CIT: variants seen among roughly 807,000 people sequenced by gnomAD.
CIT encodes citron Rho-interacting kinase.
CIT carries 79 observed loss-of-function variants against 272.7 expected under a neutral mutation model. The observed-to-expected ratio is 0.29, with a 90% CI of 0.24 to 0.35. CIT has a LOEUF of 0.35. CIT is among the 10% of genes least tolerant of loss of function. The pLI is 1.00. For synonymous variants in CIT, 948 were observed against 995.6 expected (o/e 0.95, Z 0.90); for missense variants, 1,909 against 2,618.3 (o/e 0.73, Z 5.91).
Position 119,804,612 on chromosome 12 carries a change from G to T in CIT, c.1112-1223C>A. The stretch of plus-strand genomic sequence containing the variant: ...CCTCGTTTTCTGGACAAAGCTGGGT[G>T]CCAGATATGAGCAGCAAGCAGTCTG... On this transcript the variant is annotated intron_variant, in intron 9 of 47. Transcript: ENST00000392521. The surrounding 1 kb of genome is among the most constrained non-coding windows in gnomAD (Gnocchi z 5.3). The T allele has an allele frequency of 2.2e-6, 1 of 450,086 alleles. No homozygotes were observed. Among genetic ancestry groups the T allele is most frequent in the Non-Finnish European group, 2.9e-6 (1 of 340,544 alleles). The allele number at this position is 450,086 out of a possible 1,614,324, so 27.9% of individuals were successfully genotyped here. A position where few individuals can be genotyped will look rare whatever the true frequency, so the allele number is the denominator to read the frequency against.
At chr12:119,825,929 G>A (rs7296100) in intron 7 of CIT, among the ~76,000 whole-genome samples, 8,160 of 152,184 alleles carry the variant, frequency 0.054, 679 homozygotes, top group African/African-American at 0.19. Flanking sequence ...TTAGTCAGGT[G>A]TGGTGGTGCA....
Position 119,712,782 on chromosome 12 carries a change from G to A in CIT, c.4580-87C>T. ...AAGAGAGAGCGAGAGAGACAGCAAGGGAGAGAGAGACAGGGTACGTGTGTA... is the reference window on the plus strand; with the variant it reads ...AAGAGAGAGCGAGAGAGACAGCAAGAGAGAGAGAGACAGGGTACGTGTGTA... On this transcript the variant is annotated intron_variant, in intron 35 of 47. Coordinates refer to ENST00000392521, the MANE Select transcript of CIT (RefSeq NM_001206999.2). The surrounding 1 kb of genome is among the most constrained non-coding windows in gnomAD (Gnocchi z 5.2). The A allele has an allele frequency of 9.2e-7, 1 of 1,091,790 alleles. No individual in the cohort carries two copies. The allele number at this position is 1,091,790 out of a possible 1,614,324, so 67.6% of individuals were successfully genotyped here. A position where few individuals can be genotyped will look rare whatever the true frequency, so the allele number is the denominator to read the frequency against.
chr12:119,870,992 G>A (rs1204070459), intron 2 of CIT, among the ~76,000 whole-genome samples: 1 of 151,874 alleles, frequency 6.6e-6, no homozygotes. Context: ...GGAGGCACGT[G>A]CCTGTAATCC....
chr12:119,832,294 T>C (rs1968694435), intron 7 of CIT, among the ~76,000 whole-genome samples: 1 of 152,208 alleles, frequency 6.6e-6, no homozygotes, highest in Admixed American at 6.5e-5. Context: ...GTTTAATTTC[T>C]ACCAAAGATC....
At chr12:119,845,639 C>A (rs1247952121) in intron 5 of CIT, among the ~76,000 whole-genome samples, 2 of 134,304 alleles carry the variant, frequency 1.5e-5, no homozygotes, top group Non-Finnish European at 3.1e-5. Flanking sequence ...GGCAACAGAG[C>A]AAGACTCTGT....
chr12:119,713,777 T>C lies in CIT; in HGVS notation c.4307-129A>G. On this transcript the variant is annotated intron_variant, in intron 33 of 47. Transcript: ENST00000392521. The surrounding 1 kb of genome is among the most constrained non-coding windows in gnomAD (Gnocchi z 5.2). ...AGAGAGTCTGGCCCTGGCTTGCAGG[T>C]AGTCTCCTGAGCTTCCCCTGGTGCC... 1 of 972,144 alleles carries C rather than the reference T, an allele frequency of 1.0e-6. No homozygotes were observed. Among genetic ancestry groups the C allele is most frequent in the Admixed American group, 2.0e-5 (1 of 48,914 alleles). The allele number at this position is 972,144 out of a possible 1,614,324, so 60.2% of individuals were successfully genotyped here.
In CIT at chr12:119,709,135, A is replaced by G. The variant is rs536864509; in HGVS notation, c.5072-817T>C. ...GCAGCATAGCGGATACTTGTATTAT[A>G]GTAAGGGTAAATTTCCTAAATGCAG... is the stretch of plus-strand genomic sequence containing the variant. On this transcript the variant is annotated intron_variant, in intron 39 of 47. Coordinates refer to ENST00000392521, the MANE Select transcript of CIT (RefSeq NM_001206999.2). 3.3e-5 allele frequency among the ~76,000 whole-genome samples: 5 copies of G among 152,356 alleles called. No homozygotes were observed. In the South Asian group the frequency reaches 1.0e-3, roughly 32 times the overall value.
intron 28 of CIT, among the ~76,000 whole-genome samples, chr12:119,727,450 A>C (rs1211708227): frequency 6.6e-6 from 1 of 152,156 alleles, no homozygotes; most frequent in Non-Finnish European, 1.5e-5. Flanking sequence ...TGGATTCAGA[A>C]GGGGGAAGGC....
At chr12:119,746,944 T>C (rs964562329) in intron 23 of CIT, among the ~76,000 whole-genome samples, 1 of 152,144 alleles carries the variant, frequency 6.6e-6, no homozygotes, top group South Asian at 2.1e-4. Flanking sequence ...GCTCATGCAA[T>C]AGAATATATA....
chr12:119,690,386 G>A lies in CIT; in HGVS notation c.5951C>T (p.Ala1984Val), dbSNP rs1156247906. 3 of 1,596,668 alleles carry A rather than the reference G, an allele frequency of 1.9e-6. No individual in the cohort carries two copies. Among genetic ancestry groups the A allele is most frequent in the East Asian group, 2.2e-5 (1 of 44,588 alleles). Residue 1984 changes from alanine to valine, a missense_variant, in exon 47 of 48, where the codon GCG becomes GTG. By Grantham distance (64) the Ala-to-Val change is moderately conservative. Around this residue, in one of 8 missense-constraint regions of CIT, gnomAD observed 780 missense variants for 1,067.2 expected, o/e 0.73. Transcript: ENST00000392521. The surrounding 1 kb of genome is among the most constrained non-coding windows in gnomAD (Gnocchi z 6.0). ...CGGGTGGCTGGGGCCTTCGGGCGGC[G>A]CTGGGCTGGAGGCCACGCGCTTGGT... ...HITKRVASSP[A>V]PPEGPSHPRE... is the part of the protein sequence containing the mutation.
chr12:119,855,169 TC>T (rs1364314513), intron 4 of CIT, among the ~76,000 whole-genome samples: 1 of 152,032 alleles, frequency 6.6e-6, no homozygotes, highest in East Asian at 1.9e-4. Flanking sequence ...ACACCTGTAA[TC>T]CCAGCACTTT....
rs1053628624 is a variant in CIT at position 119,693,851 on chromosome 12, T to C, written c.5883-3397A>G. On this transcript the variant is annotated intron_variant, in intron 46 of 47. Coordinates refer to ENST00000392521, the MANE Select transcript of CIT (RefSeq NM_001206999.2). ...TCTTGGTATTTTGTAATATTAGTTG[T>C]GGTTCTTCCACCAAATTATGGGCTC... Among the ~76,000 whole-genome samples the C allele has an allele frequency of 5.3e-5, 8 of 152,246 alleles. 1 individual carries two copies. Among genetic ancestry groups the C allele is most frequent in the Non-Finnish European group, 7.3e-5 (5 of 68,040 alleles).
At chr12:119,775,610 GA>G (rs1168070842) in intron 16 of CIT, among the ~76,000 whole-genome samples, 175 bp downstream of exon 16, 2 of 152,192 alleles carry the variant, frequency 1.3e-5, no homozygotes, top group African/African-American at 2.4e-5. Context: ...GTCTCAAAAG[GA>G]AAAACTATAT....
intron 30 of CIT, among the ~76,000 whole-genome samples, chr12:119,719,669 C>T (rs1369672039): frequency 6.6e-6 from 1 of 152,150 alleles, no homozygotes; most frequent in Non-Finnish European, 1.5e-5. Context: ...TTCAGCCCTC[C>T]ACTCCTTCCT....
At chr12:119,704,248 G>T in intron 41 of CIT, 115 bp downstream of exon 41, 1 of 945,768 alleles carries the variant, frequency 1.1e-6, no homozygotes, top group Non-Finnish European at 1.6e-6. Flanking sequence ...AGGCCCGCAG[G>T]GTAGAAGGAA....
rs900085611 is a variant in CIT at position 119,723,187 on chromosome 12, C to T, written c.3592-1738G>A. On this transcript the variant is annotated intron_variant, in intron 28 of 47. Transcript: ENST00000392521. ...AAGAAACAGCTAAGATACCCTCCTC[C>T]GCAGCATGAGTGATTTCTTCTGCAA... Among the ~76,000 whole-genome samples the T allele has an allele frequency of 8.5e-5, 13 of 152,088 alleles. 1 individual carries two copies. The highest frequency in any genetic ancestry group is 2.2e-4 in the African/African-American group (9 of 41,412).
chr12:119,813,815 G>A (rs1445491463), intron 9 of CIT, among the ~76,000 whole-genome samples: 6 of 152,192 alleles, frequency 3.9e-5, no homozygotes, highest in Non-Finnish European at 5.9e-5. Context: ...GAGGGATGGG[G>A]CCCACCAGGT....
chr12:119,752,149 C>A lies in CIT; in HGVS notation c.2805G>T (p.Leu935=), dbSNP rs766553769. 1 of 1,613,006 alleles carries A rather than the reference C, an allele frequency of 6.2e-7. No individual in the cohort carries two copies. The highest frequency in any genetic ancestry group is 1.1e-5 in the South Asian group (1 of 91,028). The stretch of plus-strand genomic sequence containing the variant: ...TCTCCAGGGCCGCCCGTGCAGCCTG[C>A]AGGGCTGTCAACTGTGACTCGCGCT... The part of the protein sequence containing the change: ...LQERESQLTA[L]QAARAALESQ... The change falls in exon 23 of 48, where the codon CTG becomes CTT. Residue 935 remains leucine, a synonymous_variant. Coordinates refer to ENST00000392521, the MANE Select transcript of CIT (RefSeq NM_001206999.2).
Position 119,840,263 on chromosome 12 carries a change from A to G in CIT, c.517-6035T>C, listed in dbSNP as rs142064059. ...AGCCCAGGAGTTTGAGGCTACAATG[A>G]GCTACGATCGTGCCACTGCACTCCA... On this transcript the variant is annotated intron_variant, in intron 5 of 47. Transcript: ENST00000392521. 1.3e-3 allele frequency among the ~76,000 whole-genome samples: 192 copies of G among 152,308 alleles called. 2 individuals are homozygous for G. The highest frequency in any genetic ancestry group is 4.4e-3 in the African/African-American group (183 of 41,568).
Sources: gnomAD v4.1 joint callset for allele counts (sites outside exome capture counted in the v4.1 genomes callset) on GRCh38, gnomAD v4.1.1 for gene constraint, gnomAD v4.1.1 regional missense constraint, Gnocchi (gnomAD v3.1) non-coding constraint, MANE v1.5 for transcripts, NCBI Gene and HGNC (gene_info 2026-07-23, HGNC 2026-07-21) for gene names.